SHISA9: variants seen among roughly 807,000 people sequenced by gnomAD.
SHISA9 encodes protein shisa-9.
In SHISA9, 13 loss-of-function variants were observed where a neutral mutation model predicts 38.0. That is an observed-to-expected ratio of 0.34 (90% CI 0.22 to 0.54). SHISA9 has a LOEUF of 0.54. Ranked by LOEUF, SHISA9 falls within the 20% of genes least tolerant of loss-of-function variation. The pLI is 0.91. For synonymous variants in SHISA9, 275 were observed against 242.0 expected (o/e 1.14, Z -1.27); for missense variants, 538 against 575.8 (o/e 0.93, Z 0.67).
the SHISA9 span, among the ~76,000 whole-genome samples, chr16:13,380,661 A>G: frequency 6.6e-6 from 1 of 152,162 alleles, no homozygotes; most frequent in Non-Finnish European, 1.5e-5. Context: ...TTTCTTTTTT[A>G]AAACTTGGCA....
chr16:13,221,575 C>A (rs1047241206), intron 4 of SHISA9, among the ~76,000 whole-genome samples: 17 of 152,054 alleles, frequency 1.1e-4, no homozygotes, highest in African/African-American at 4.1e-4. Flanking sequence ...TAAAATGTCC[C>A]ACAAATACAG....
the SHISA9 span, among the ~76,000 whole-genome samples, chr16:13,321,562 C>T: frequency 6.6e-6 from 1 of 152,288 alleles, no homozygotes; most frequent in East Asian, 1.9e-4. Flanking sequence ...TAGTTGAACA[C>T]TTAAGGGAAT....
the SHISA9 span, among the ~76,000 whole-genome samples, chr16:13,305,411 G>A: frequency 2.0e-5 from 3 of 152,164 alleles, no homozygotes; most frequent in African/African-American, 7.2e-5. Flanking sequence ...GGCTAGCCTA[G>A]GAATGTACTT....
chr16:13,505,953 G>A, the SHISA9 span, among the ~76,000 whole-genome samples: 1 of 152,120 alleles, frequency 6.6e-6, no homozygotes, highest in Non-Finnish European at 1.5e-5. Flanking sequence ...TGGCCCACTG[G>A]AGAACAGTCA....
At chr16:13,124,047 T>C (rs905369957) in intron 2 of SHISA9, among the ~76,000 whole-genome samples, 1 of 152,198 alleles carries the variant, frequency 6.6e-6, no homozygotes, top group African/African-American at 2.4e-5. Flanking sequence ...AGGAAAGTCC[T>C]AACCGGAAGA....
intron 2 of SHISA9, among the ~76,000 whole-genome samples, chr16:12,999,850 G>A (rs1200547710): frequency 6.6e-6 from 1 of 152,164 alleles, no homozygotes; most frequent in Non-Finnish European, 1.5e-5. Flanking sequence ...TCCCGCAAGT[G>A]TCCAACATCA....
intron 2 of SHISA9, among the ~76,000 whole-genome samples, chr16:12,926,946 C>G (rs2071400091): frequency 6.6e-6 from 1 of 152,092 alleles, no homozygotes. Context: ...ACAAGGACCA[C>G]ACTGCTTTTG....
chr16:13,234,006 A>AAAT (rs1046706210), intron 4 of SHISA9, among the ~76,000 whole-genome samples: 1 of 152,192 alleles, frequency 6.6e-6, no homozygotes, highest in African/African-American at 2.4e-5. Context: ...CTGTCTGAAA[A>AAAT]AATAATAATA....
intron 2 of SHISA9, among the ~76,000 whole-genome samples, chr16:13,042,398 T>C (rs1490065369): frequency 6.6e-6 from 1 of 152,184 alleles, no homozygotes; most frequent in Non-Finnish European, 1.5e-5. Flanking sequence ...GAATGGAAAA[T>C]GCAGTAGCAT....
At chr16:12,954,956 A>AGT (rs1421578234) in intron 2 of SHISA9, among the ~76,000 whole-genome samples, 2 of 152,188 alleles carry the variant, frequency 1.3e-5, no homozygotes, top group Non-Finnish European at 2.9e-5. Flanking sequence ...TGTGATGGAC[A>AGT]GTTCCACACA....
At chr16:12,955,878 C>A (rs934692940) in intron 2 of SHISA9, among the ~76,000 whole-genome samples, 9 of 151,940 alleles carry the variant, frequency 5.9e-5, no homozygotes, top group African/African-American at 2.2e-4. Flanking sequence ...CCCAAAAAGC[C>A]AATGCAACAA....
intron 2 of SHISA9, among the ~76,000 whole-genome samples, chr16:13,003,889 T>TAAGAAGAAGAAG (rs59904952): frequency 2.7e-5 from 4 of 145,824 alleles, no homozygotes; most frequent in Admixed American, 6.9e-5. Flanking sequence ...ATAATAATAA[T>TAAGAAGAAGAAG]AAGAAGAAGA....
At chr16:13,050,236 A>C (rs1477114125) in intron 2 of SHISA9, among the ~76,000 whole-genome samples, 1 of 152,242 alleles carries the variant, frequency 6.6e-6, no homozygotes, top group Admixed American at 6.5e-5. Flanking sequence ...ACAGAATATT[A>C]TTAATAACTA....
At chr16:13,442,939 A>T in the SHISA9 span, among the ~76,000 whole-genome samples, 1 of 152,324 alleles carries the variant, frequency 6.6e-6, no homozygotes, top group East Asian at 1.9e-4. Flanking sequence ...AAAACAAAAT[A>T]CTTTGCACAC....
At position 13,239,903 on chromosome 16, in the gene SHISA9, G is replaced by C. The variant is rs1236521246; in HGVS notation, c.*4494G>C. 1.3e-5 allele frequency: 2 copies of C among 152,330 alleles called. No individual in the cohort carries two copies. Among genetic ancestry groups the C allele is most frequent in the Middle Eastern group, 3.4e-3 (1 of 294 alleles). The allele number at this position is 152,330 out of a possible 1,614,324, so 9.4% of individuals were successfully genotyped here. On this transcript the variant is annotated 3_prime_UTR_variant, in exon 5 of 5. Transcript: ENST00000558583. Reference sequence around the variant, plus strand: ...GTAGACAGACCTCACAATATGGAAAGACGGGACAACCTATGGAACTATCTG... The same window carrying C: ...GTAGACAGACCTCACAATATGGAAACACGGGACAACCTATGGAACTATCTG...
chr16:13,243,767 G>A (rs369346781), downstream of SHISA9, among the ~76,000 whole-genome samples: 3 of 140,662 alleles, frequency 2.1e-5, no homozygotes, highest in Admixed American at 7.5e-5. Context: ...GTTTACAGCA[G>A]CGTTTTTTTT....
chr16:13,224,181 G>A (rs1056786458), intron 4 of SHISA9, among the ~76,000 whole-genome samples: 2 of 152,130 alleles, frequency 1.3e-5, no homozygotes, highest in African/African-American at 2.4e-5. Flanking sequence ...ACAAGAGTGG[G>A]GAAATAGAGA....
chr16:13,115,454 C>A (rs1293644843), intron 2 of SHISA9, among the ~76,000 whole-genome samples: 1 of 152,172 alleles, frequency 6.6e-6, no homozygotes, highest in African/African-American at 2.4e-5. Context: ...AGGAACACAC[C>A]CTTAAGACAG....
At chr16:12,954,757 C>T (rs2071805899) in intron 2 of SHISA9, among the ~76,000 whole-genome samples, 1 of 152,146 alleles carries the variant, frequency 6.6e-6, no homozygotes, top group African/African-American at 2.4e-5. Flanking sequence ...GTACATGGCA[C>T]ATCTTGAGTT....
Sources: gnomAD v4.1 joint callset for allele counts (sites outside exome capture counted in the v4.1 genomes callset) on GRCh38, gnomAD v4.1.1 for gene constraint, MANE v1.5 for transcripts, NCBI Gene and HGNC (gene_info 2026-07-23, HGNC 2026-07-21) for gene names.